DPP10: variants seen among roughly 807,000 people sequenced by gnomAD.
The protein encoded by DPP10 is dipeptidyl peptidase like 10, also known as inactive dipeptidyl peptidase 10.
A neutral mutation model predicts 120.9 loss-of-function variants in DPP10; 33 were observed. The ratio of observed to expected loss-of-function variants is 0.27; its 90% CI spans 0.21 to 0.37. The LOEUF is 0.37. Among genes scored for constraint, DPP10 ranks in the 10% least tolerant of loss-of-function variants. The pLI is 1.00. For synonymous variants in DPP10, 337 were observed against 326.1 expected (o/e 1.03, Z -0.36); for missense variants, 816 against 942.8 (o/e 0.87, Z 1.76).
chr2:115,117,354 C>T (rs2049570991), intron 1 of DPP10, among the ~76,000 whole-genome samples: 1 of 152,206 alleles, frequency 6.6e-6, no homozygotes, highest in South Asian at 2.1e-4. Context: ...AGCAATTTTA[C>T]CAGCCAGCTT....
chr2:114,708,388 C>T (rs1262473551), intron 1 of DPP10, among the ~76,000 whole-genome samples: 1 of 152,172 alleles, frequency 6.6e-6, no homozygotes, highest in African/African-American at 2.4e-5. Flanking sequence ...TATGTCAGGA[C>T]ACTGTATCCT....
rs778125518 is a variant in DPP10 at position 115,123,268 on chromosome 2, G to C, written c.61-185971G>C. On this transcript the variant is annotated intron_variant, in intron 1 of 25. Transcript: ENST00000410059. ...AAGGAAGTCAAGTACACTTGGAAGA[G>C]GGCCAAGTAGGTGACTTGAGAGATC... 1.0e-3 allele frequency among the ~76,000 whole-genome samples: 157 copies of C among 152,284 alleles called. 1 individual carries two copies. The highest frequency in any genetic ancestry group is 3.4e-3 in the Middle Eastern group (1 of 294).
chr2:114,516,843 C>A (rs191068268), intron 1 of DPP10, among the ~76,000 whole-genome samples: 2 of 152,022 alleles, frequency 1.3e-5, no homozygotes, highest in South Asian at 4.1e-4. Flanking sequence ...TTTTATGAAC[C>A]GAACTACTGG....
intron 1 of DPP10, among the ~76,000 whole-genome samples, chr2:115,040,289 A>G (rs1167197656): frequency 1.3e-5 from 2 of 151,990 alleles, no homozygotes; most frequent in Non-Finnish European, 2.9e-5. Context: ...AGACATGGTC[A>G]TCTGTGGGTA....
At chr2:114,799,089 A>G (rs1683963407) in intron 1 of DPP10, among the ~76,000 whole-genome samples, 1 of 152,206 alleles carries the variant, frequency 6.6e-6, no homozygotes, top group Admixed American at 6.5e-5. Flanking sequence ...AGATCGTGCC[A>G]TTGCACTCCA....
intron 1 of DPP10, among the ~76,000 whole-genome samples, chr2:115,043,507 TA>T (rs1704825503): frequency 6.6e-6 from 1 of 152,244 alleles, no homozygotes. Context: ...CAAAGTTTCA[TA>T]ACTTTCAGTG....
intron 5 of DPP10, among the ~76,000 whole-genome samples, chr2:115,635,303 G>A (rs751229089): frequency 5.9e-5 from 9 of 152,178 alleles, no homozygotes; most frequent in Non-Finnish European, 8.8e-5. Flanking sequence ...CAACTCTGCG[G>A]TTCAGACCCA....
chr2:115,097,735 G>A (rs1173816072), intron 1 of DPP10, among the ~76,000 whole-genome samples: 1 of 152,174 alleles, frequency 6.6e-6, no homozygotes, highest in Non-Finnish European at 1.5e-5. Context: ...TTAAGTGAGA[G>A]AGAGATTGCA....
At chr2:115,297,772 G>A (rs1224571486) in intron 1 of DPP10, among the ~76,000 whole-genome samples, 2 of 152,046 alleles carry the variant, frequency 1.3e-5, no homozygotes, top group Non-Finnish European at 2.9e-5. Flanking sequence ...GAATGTAGCA[G>A]AAGATTATAT....
rs187808787 is a variant in DPP10, at chr2:115,291,385, G to A, written c.61-17854G>A. 2.6e-4 allele frequency among the ~76,000 whole-genome samples: 39 copies of A among 152,104 alleles called. No individual in the cohort carries two copies. In the East Asian group the frequency reaches 7.0e-3, roughly 27 times the overall value. ...TCATTAATAGAACATTATTAAATTT[G>A]AAGACATAAAAATTCTAACTTTAAG... On this transcript the variant is annotated intron_variant, in intron 1 of 25. Transcript: ENST00000410059.
intron 1 of DPP10, among the ~76,000 whole-genome samples, chr2:114,904,171 A>C (rs1342657051): frequency 6.6e-6 from 1 of 152,240 alleles, no homozygotes; most frequent in Non-Finnish European, 1.5e-5. Flanking sequence ...TAGAAAGAAA[A>C]GAGGAGAGCT....
intron 1 of DPP10, among the ~76,000 whole-genome samples, chr2:114,786,849 A>C (rs1001275221): frequency 3.9e-5 from 6 of 152,200 alleles, no homozygotes; most frequent in African/African-American, 9.6e-5. Flanking sequence ...TTGGGAATCC[A>C]TGGGCTCTCC....
chr2:115,522,554 GTCTT>G (rs2077877464), intron 4 of DPP10, among the ~76,000 whole-genome samples: 1 of 152,108 alleles, frequency 6.6e-6, no homozygotes, highest in Non-Finnish European at 1.5e-5. Context: ...CACATACCTT[GTCTT>G]TCTTGCTTAA....
chr2:114,546,547 T>C (rs1479582766), intron 1 of DPP10, among the ~76,000 whole-genome samples: 1 of 152,224 alleles, frequency 6.6e-6, no homozygotes, highest in South Asian at 2.1e-4. Flanking sequence ...CCCTCGCTGG[T>C]CAATCTCCTT....
chr2:114,455,910 T>G (rs1010983116), intron 1 of DPP10, among the ~76,000 whole-genome samples: 1 of 152,152 alleles, frequency 6.6e-6, no homozygotes, highest in Non-Finnish European at 1.5e-5. Flanking sequence ...GAGGTAGAAC[T>G]GGGCCTACTA....
intron 1 of DPP10, among the ~76,000 whole-genome samples, chr2:115,213,811 T>G (rs1422910295): frequency 1.3e-5 from 2 of 152,106 alleles, no homozygotes; most frequent in African/African-American, 2.4e-5. Flanking sequence ...ATGAGAAGCT[T>G]AGGCCTATAG....
At chr2:115,271,684 A>G (rs1031727102) in intron 1 of DPP10, among the ~76,000 whole-genome samples, 2 of 152,200 alleles carry the variant, frequency 1.3e-5, no homozygotes, top group African/African-American at 4.8e-5. Context: ...GCAGATTTTG[A>G]ATAAAACATA....
chr2:115,172,040 C>A (rs2053386363), intron 1 of DPP10, among the ~76,000 whole-genome samples: 2 of 152,212 alleles, frequency 1.3e-5, no homozygotes. Context: ...CATGAATAAG[C>A]AACTGCTGAT....
At chr2:115,380,323 T>C (rs900155494) in intron 3 of DPP10, among the ~76,000 whole-genome samples, 2 of 152,196 alleles carry the variant, frequency 1.3e-5, no homozygotes, top group African/African-American at 4.8e-5. Flanking sequence ...TCTTTGTCTC[T>C]TTTGATCTTT....
Sources: allele counts gnomAD v4.1 joint callset (sites outside exome capture counted in the v4.1 genomes callset), GRCh38; gene constraint gnomAD v4.1.1; transcripts MANE v1.5; gene names NCBI Gene and HGNC (gene_info 2026-07-23, HGNC 2026-07-21).